BRIP1: variants seen among roughly 807,000 people sequenced by gnomAD.
BRIP1 encodes BRCA1 interacting DNA helicase 1, also known as Fanconi anemia group J protein.
A neutral mutation model predicts 119.7 loss-of-function variants in BRIP1; 88 were observed. The ratio of observed to expected loss-of-function variants is 0.74; its 90% confidence interval spans 0.62 to 0.88. The LOEUF (loss-of-function observed/expected upper bound fraction) is 0.88, where lower values mean the gene tolerates loss of function less well. BRIP1 is among the 40% of genes least tolerant of loss of function. The pLI, the probability that BRIP1 is intolerant of heterozygous loss-of-function variation, is 0.00. For synonymous variants in BRIP1, 443 were observed against 496.5 expected, an observed-to-expected ratio of 0.89 and a Z score of 1.43; for missense variants, 1,259 against 1,455.4, an observed-to-expected ratio of 0.87 and a Z score of 2.20.
rs183316137 is a variant in BRIP1, at chr17:61,811,531, G to A, written c.628-2774C>T. On this transcript the variant is annotated intron_variant, in intron 6 of 19. Transcript: ENST00000259008. ...AGCCACCATGCCCGGCCAAGAAGAT[G>A]GTTTTCAATAGGTACTTAGGCAAGT... Among the ~76,000 whole-genome samples, 779 of 151,824 alleles carry A rather than the reference G, an allele frequency of 5.1e-3. 4 individuals are homozygous for A. The highest frequency in any genetic ancestry group is 7.9e-3 in the Non-Finnish European group (534 of 67,902).
In BRIP1 at chr17:61,693,326, T is replaced by C. The variant is rs886778783; in HGVS notation, c.2575+104A>G. ...GTGCTTATAGTTAACAATATTGTAC[T>C]GTGCACTTAATAAGATAGTAGAGCT... On this transcript the variant is annotated intron_variant, in intron 18 of 19. Coordinates refer to ENST00000259008, the MANE Select transcript of BRIP1 (RefSeq NM_032043.3). The surrounding 1 kb of genome is among the most constrained non-coding windows in gnomAD (Gnocchi z 4.2). 8 of 1,014,762 alleles carry C rather than the reference T, an allele frequency of 7.9e-6. No individual in the cohort carries two copies. Among genetic ancestry groups the C allele is most frequent in the Non-Finnish European group, 1.2e-5 (8 of 642,068 alleles). 62.9% of individuals were successfully genotyped at this position (1,014,762 alleles called of 1,614,324 possible).
At chr17:61,772,220 T>A (rs2077465944) in intron 14 of BRIP1, among the ~76,000 whole-genome samples, 1 of 133,032 alleles carries the variant, frequency 7.5e-6, no homozygotes, top group Admixed American at 7.6e-5. Flanking sequence ...AAATGAAATA[T>A]TATTCTGCCA....
chr17:61,770,720 C>T lies in BRIP1; in HGVS notation c.2097+5681G>A, dbSNP rs566535415. Reference sequence around the variant, plus strand: ...ACTACATAAGATGTTAAATATAATTCCTAGGACAACCACTAAGAAAATAAC... The same window carrying T: ...ACTACATAAGATGTTAAATATAATTTCTAGGACAACCACTAAGAAAATAAC... On this transcript the variant is annotated intron_variant, in intron 14 of 19. Coordinates refer to ENST00000259008, the MANE Select transcript of BRIP1 (RefSeq NM_032043.3). This position sits in a 1 kb window ranked among gnomAD's most constrained non-coding sequence, Gnocchi z 4.7. Among the ~76,000 whole-genome samples the T allele has an allele frequency of 7.4e-4, 112 of 151,654 alleles. No homozygotes were observed. The highest frequency in any genetic ancestry group is 2.6e-3 in the African/African-American group (109 of 41,378).
intron 6 of BRIP1, among the ~76,000 whole-genome samples, chr17:61,838,546 AAAATAAATAAATAAATAAATAAAT>A (rs71153410): frequency 4.3e-5 from 6 of 140,872 alleles, no homozygotes; most frequent in African/African-American, 1.3e-4. Flanking sequence ...TCCCTCTCAA[AAAATAAATAAATAAATAAATAAAT>A]AAATAAATAA....
In BRIP1 at chr17:61,683,737, A is replaced by G. The variant is rs1603275246; in HGVS notation, c.3309T>C (p.Ile1103=). 1 of 1,614,144 alleles carries G rather than the reference A, an allele frequency of 6.2e-7. No individual in the cohort carries two copies. The highest frequency in any genetic ancestry group is 8.5e-7 in the Non-Finnish European group (1 of 1,180,012). ...LCSEEALDPD[I]ELSLVSEEDK... ...CTTCTTCACTTACTAGAGACAATTC[A>G]ATGTCTGGATCCAGGGCTTCTTCAG... Residue 1103 remains isoleucine (I), a synonymous_variant, in exon 20 of 20, where the codon ATT becomes ATC. Transcript: ENST00000259008. This position sits in a 1 kb window ranked among gnomAD's most constrained non-coding sequence, Gnocchi z 4.7.
Position 61,708,168 on chromosome 17 carries a change from A to G in BRIP1, c.2492+7783T>C, listed in dbSNP as rs1349430505. ...GCCTGCAAAGCCTAAAATATACACAATAGTCCCCCACAGCCACAATCTTGC... is the reference window on the plus strand; with the variant it reads ...GCCTGCAAAGCCTAAAATATACACAGTAGTCCCCCACAGCCACAATCTTGC... On this transcript the variant is annotated intron_variant, in intron 17 of 19. Coordinates refer to ENST00000259008, the MANE Select transcript of BRIP1 (RefSeq NM_032043.3). This position sits in a 1 kb window ranked among gnomAD's most constrained non-coding sequence, Gnocchi z 4.4. 6.6e-6 allele frequency among the ~76,000 whole-genome samples: 1 copy of G among 152,208 alleles called. No homozygotes were observed. Among genetic ancestry groups the G allele is most frequent in the African/African-American group, 2.4e-5 (1 of 41,452 alleles).
chr17:61,791,972 T>C (rs1300217126), intron 10 of BRIP1, among the ~76,000 whole-genome samples: 2 of 152,218 alleles, frequency 1.3e-5, no homozygotes, highest in African/African-American at 4.8e-5. Flanking sequence ...AAAAAAGTTG[T>C]ACTCGTAGAA....
chr17:61,685,717 A>C (rs1203510504), intron 19 of BRIP1, 119 bp downstream of exon 19: 5 of 925,822 alleles, frequency 5.4e-6, no homozygotes, highest in Non-Finnish European at 8.3e-6. Context: ...TTTTATGATA[A>C]CACCTTATAT....
Position 61,801,461 on chromosome 17 carries a change from T to C in BRIP1, c.932A>G (p.Tyr311Cys), listed in dbSNP as rs587782731. Reference sequence around the variant, plus strand: ...AATTTTATGAACTCCATGATAAAAATAGCAGGATTTTCCCTAGAAACAAAT... The same window carrying C: ...AATTTTATGAACTCCATGATAAAAACAGCAGGATTTTCCCTAGAAACAAAT... ...LLDGKNGKSCYFYHGVHKISD... is the reference protein window; with the variant it reads ...LLDGKNGKSCCFYHGVHKISD... Residue 311 changes from tyrosine to cysteine, a missense_variant, in exon 8 of 20, where the codon TAT becomes TGT. This residue lies in a region of BRIP1 where 501 missense variants were observed against 544.0 expected (regional missense o/e 0.92). Transcript: ENST00000259008. 8 of 1,611,002 alleles carry C rather than the reference T, an allele frequency of 5.0e-6. No homozygotes were observed. In the African/African-American group the frequency reaches 6.7e-5, roughly 13 times the overall value.
chr17:61,862,285 T>G lies in BRIP1; in HGVS notation c.-30-716A>C, dbSNP rs907593681. 2.0e-5 allele frequency among the ~76,000 whole-genome samples: 3 copies of G among 152,220 alleles called. No homozygotes were observed. Among genetic ancestry groups the G allele is most frequent in the Non-Finnish European group, 2.9e-5 (2 of 68,038 alleles). Reference sequence around the variant, plus strand: ...CATAGTAGGCACTCAAAAATGTTATTTGAAGATCAGTAGAGTATTATAGAA... The same window carrying G: ...CATAGTAGGCACTCAAAAATGTTATGTGAAGATCAGTAGAGTATTATAGAA... On this transcript the variant is annotated intron_variant, in intron 1 of 19. Coordinates refer to ENST00000259008, the MANE Select transcript of BRIP1 (RefSeq NM_032043.3). This position sits in a 1 kb window ranked among gnomAD's most constrained non-coding sequence, Gnocchi z 5.3.
rs912123621 is a variant in BRIP1, at chr17:61,798,430, G to A, written c.1340+670C>T. On this transcript the variant is annotated intron_variant, in intron 9 of 19. Transcript: ENST00000259008. The surrounding 1 kb of genome is among the most constrained non-coding windows in gnomAD (Gnocchi z 5.5). ...GAACACAGACATTAAACAGATCAGGGATGGAACTGGAAGGAGGTTTTTACT... is the reference window on the plus strand; with the variant it reads ...GAACACAGACATTAAACAGATCAGGAATGGAACTGGAAGGAGGTTTTTACT... Among the ~76,000 whole-genome samples, 3 of 151,982 alleles carry A rather than the reference G, an allele frequency of 2.0e-5. No individual in the cohort carries two copies. Among genetic ancestry groups the A allele is most frequent in the Admixed American group, 2.0e-4 (3 of 15,224 alleles).
chr17:61,727,790 CTATATA>C (rs10567143), intron 16 of BRIP1, among the ~76,000 whole-genome samples: 11 of 131,314 alleles, frequency 8.4e-5, no homozygotes, highest in South Asian at 4.7e-4. Context: ...CTCTCTCTCT[CTATATA>C]TATATATATA....
rs556566275 is a variant in BRIP1, at chr17:61,691,948, A to C, written c.2575+1482T>G. On this transcript the variant is annotated intron_variant, in intron 18 of 19. Coordinates refer to ENST00000259008, the MANE Select transcript of BRIP1 (RefSeq NM_032043.3). The surrounding 1 kb of genome is among the most constrained non-coding windows in gnomAD (Gnocchi z 5.0). ...AACATAATAGAGAGCTCAGAAGCAG[A>C]TCCACACATATATGGTCAGCGGATC... Among the ~76,000 whole-genome samples, 1 of 152,264 alleles carries C rather than the reference A, an allele frequency of 6.6e-6. No homozygotes were observed. Among genetic ancestry groups the C allele is most frequent in the Admixed American group, 6.5e-5 (1 of 15,284 alleles).
Position 61,682,688 on chromosome 17 carries a change from T to C in BRIP1, c.*608A>G. The C allele has an allele frequency of 5.1e-6, 1 of 196,224 alleles. No homozygotes were observed. Among genetic ancestry groups the C allele is most frequent in the South Asian group, 1.9e-4 (1 of 5,216 alleles). 12.2% of individuals were successfully genotyped at this position (196,224 alleles called of 1,614,324 possible). On this transcript the variant is annotated 3_prime_UTR_variant, in exon 20 of 20. Coordinates refer to ENST00000259008, the MANE Select transcript of BRIP1 (RefSeq NM_032043.3). The surrounding 1 kb of genome is among the most constrained non-coding windows in gnomAD (Gnocchi z 4.9). ...TTAGACTGCTGTTAATTTTTATGTA[T>C]CAGTGTGAAAACAAATGGATGAAGA...
chr17:61,850,232 A>T (rs112094513), intron 4 of BRIP1, among the ~76,000 whole-genome samples: 2 of 151,408 alleles, frequency 1.3e-5, no homozygotes, highest in African/African-American at 2.4e-5. Flanking sequence ...CCTCCTGAGT[A>T]GCTGGGATTA....
At chr17:61,791,809 T>C (rs543578032) in intron 10 of BRIP1, among the ~76,000 whole-genome samples, 2 of 152,212 alleles carry the variant, frequency 1.3e-5, no homozygotes, top group South Asian at 4.2e-4. Context: ...AAAGAAAATG[T>C]GGCACATATA....
chr17:61,685,118 G>T (rs1477757621), intron 19 of BRIP1: 1 of 152,272 alleles, frequency 6.6e-6, no homozygotes, highest in Non-Finnish European at 1.5e-5. Flanking sequence ...GGAGCATAAT[G>T]TATCTGTTGC....
intron 17 of BRIP1, among the ~76,000 whole-genome samples, chr17:61,694,689 T>G (rs549588676): frequency 1.3e-5 from 2 of 152,104 alleles, no homozygotes; most frequent in South Asian, 4.1e-4. Flanking sequence ...CATTTGTTAT[T>G]GTATACCCTT....
In BRIP1 at chr17:61,856,991, G is replaced by T. The variant is rs889645565; in HGVS notation, c.379+67C>A. On this transcript the variant is annotated intron_variant, in intron 4 of 19. Coordinates refer to ENST00000259008, the MANE Select transcript of BRIP1 (RefSeq NM_032043.3). This position sits in a 1 kb window ranked among gnomAD's most constrained non-coding sequence, Gnocchi z 5.1. ...GCTAACCAAACTTATATAAATTAGG[G>T]CTTATAACAGTAATAATTAAGACTC... The T allele has an allele frequency of 4.4e-5, 63 of 1,447,998 alleles. 1 individual carries two copies. In the Admixed American group the frequency reaches 8.2e-4, roughly 19 times the overall value. 89.7% of individuals were successfully genotyped at this position (1,447,998 alleles called of 1,614,324 possible).
Sources: allele counts gnomAD v4.1 joint callset (sites outside exome capture counted in the v4.1 genomes callset), GRCh38; gene constraint gnomAD v4.1.1; regional missense constraint gnomAD v4.1.1; non-coding constraint Gnocchi (gnomAD v3.1); transcripts MANE v1.5; gene names NCBI Gene and HGNC (gene_info 2026-07-23, HGNC 2026-07-21).